RHAG: variants seen among roughly 807,000 people sequenced by gnomAD.
RHAG encodes Rh associated glycoprotein.
RHAG carries 25 observed loss-of-function variants against 42.4 expected under a neutral mutation model. The observed-to-expected ratio is 0.59, with a 90% confidence interval of 0.43 to 0.82. The LOEUF (loss-of-function observed/expected upper bound fraction) is 0.82, where lower values mean the gene tolerates loss of function less well. Among genes scored for constraint, RHAG ranks in the 40% least tolerant of loss-of-function variants. The probability of loss-of-function intolerance (pLI) is 0.00; values close to 1 mark genes in which losing one functional copy is unlikely to be tolerated. For missense variants in RHAG, 483 were observed against 504.6 expected (o/e 0.96, Z 0.41); for synonymous variants, 182 against 177.7 (o/e 1.02, Z -0.19).
At chr6:49,616,804 T>C (rs1345587380) in intron 3 of RHAG, among the ~76,000 whole-genome samples, 3 of 152,198 alleles carry the variant, frequency 2.0e-5, no homozygotes, top group Non-Finnish European at 2.9e-5. Context: ...CTTCCCAGCA[T>C]ATATGATCTA....
At chr6:49,629,497 C>T (rs573629722) in intron 1 of RHAG, among the ~76,000 whole-genome samples, 67 of 152,336 alleles carry the variant, frequency 4.4e-4, no homozygotes, top group African/African-American at 8.9e-4. Flanking sequence ...CAGTGGATCC[C>T]GCACCAGGCA....
chr6:49,617,449 T>G (rs997698633), intron 3 of RHAG, among the ~76,000 whole-genome samples: 2 of 152,282 alleles, frequency 1.3e-5, no homozygotes, highest in African/African-American at 2.4e-5. Flanking sequence ...GAGTGTAAGC[T>G]CTATAAAAAC....
intron 1 of RHAG, among the ~76,000 whole-genome samples, chr6:49,628,819 G>A (rs62412403): frequency 0.022 from 3,387 of 152,272 alleles, 62 homozygotes; most frequent in South Asian, 0.089. Flanking sequence ...AGACCTTCAC[G>A]GTGAGTATTA....
At chr6:49,625,765 T>C (rs748165776) in intron 1 of RHAG, among the ~76,000 whole-genome samples, 1 of 152,214 alleles carries the variant, frequency 6.6e-6, no homozygotes, top group Non-Finnish European at 1.5e-5. Flanking sequence ...CCAGTTCTAA[T>C]AAAGACATAC....
In RHAG at chr6:49,614,733, G is replaced by C. The variant is rs780792283; in HGVS notation, c.761C>G (p.Ala254Gly). Reference protein sequence around the residue: ...YFSLAACVLTAFAFSSLVEHR... With the variant: ...YFSLAACVLTGFAFSSLVEHR... The stretch of plus-strand genomic sequence containing the variant: ...CTCCACTAGGCTGGAGAAGGCAAAG[G>C]CTGTGAGCACACAGGCAGCGAGAGA... Residue 254 changes from alanine (A) to glycine (G), a missense_variant, in exon 5 of 10, where the codon GCC becomes GGC. By Grantham distance (60) the Ala-to-Gly change is moderately conservative. Transcript: ENST00000371175. The C allele has an allele frequency of 3.1e-6, 5 of 1,613,936 alleles. No homozygotes were observed. Among genetic ancestry groups the C allele is most frequent in the Admixed American group, 1.7e-5 (1 of 60,002 alleles).
In RHAG at chr6:49,611,028, T is replaced by G. The variant is rs1187324502; in HGVS notation, c.1063A>C (p.Asn355His). The G allele has an allele frequency of 3.1e-6, 5 of 1,613,852 alleles. No homozygotes were observed. Among genetic ancestry groups the G allele is most frequent in the Non-Finnish European group, 4.2e-6 (5 of 1,179,818 alleles). Residue 355 changes from asparagine to histidine, a missense_variant, in exon 7 of 10, where the codon AAC (asparagine) becomes CAC (histidine). Physicochemically the swap from Asn to His is moderately conservative, Grantham distance 68. Coordinates refer to ENST00000371175, the MANE Select transcript of RHAG (RefSeq NM_000324.3). The stretch of plus-strand genomic sequence containing the variant: ...AAAACCCATTCTTTTACTCACGTGT[T>G]GGAGGCGCCCATTGCTACTGCCACA... ...GIVAVAMGAS[N>H]TSMAMQAAAL...
intron 3 of RHAG, among the ~76,000 whole-genome samples, chr6:49,616,222 G>T (rs1387484842): frequency 6.6e-6 from 1 of 151,970 alleles, no homozygotes; most frequent in Non-Finnish European, 1.5e-5. Flanking sequence ...GGTGGTGCAC[G>T]CCTTGTAGTC....
At chr6:49,610,000 A>T (rs1469940777) in intron 7 of RHAG, among the ~76,000 whole-genome samples, 2 of 152,136 alleles carry the variant, frequency 1.3e-5, no homozygotes, top group South Asian at 4.1e-4. Flanking sequence ...GTTCTCACTT[A>T]TAAGTGGGAG....
At chr6:49,625,968 CA>C (rs1317503370) in intron 1 of RHAG, among the ~76,000 whole-genome samples, 5 of 152,214 alleles carry the variant, frequency 3.3e-5, no homozygotes, top group African/African-American at 1.2e-4. Flanking sequence ...TATTCACTAT[CA>C]TGGGAACAGC....
rs1762628248 is a variant in RHAG at position 49,614,870 on chromosome 6, G to A, written c.641-17C>T. 12 of 1,613,062 alleles carry A rather than the reference G, an allele frequency of 7.4e-6. No individual in the cohort carries two copies. Among genetic ancestry groups the A allele is most frequent in the Non-Finnish European group, 8.5e-6 (10 of 1,179,016 alleles). On this transcript the variant is annotated splice_polypyrimidine_tract_variant and intron_variant, in intron 4 of 9. Transcript: ENST00000371175. ...AGAGAGTCCCTGTAGTGAACCAAAA[G>A]AGGGGATATTAGTTCTGAATATGGA...
intron 1 of RHAG, among the ~76,000 whole-genome samples, chr6:49,628,320 T>G (rs1342773369): frequency 6.6e-6 from 1 of 152,110 alleles, no homozygotes; most frequent in Non-Finnish European, 1.5e-5. Flanking sequence ...TTTTATTTTC[T>G]GTTTTGTAGC....
At chr6:49,613,699 A>G (rs1189190508) in intron 5 of RHAG, among the ~76,000 whole-genome samples, 1 of 152,156 alleles carries the variant, frequency 6.6e-6, no homozygotes, top group African/African-American at 2.4e-5. Flanking sequence ...CAAGAGACCA[A>G]TTTGGGGGAA....
At chr6:49,613,034 T>C (rs958380045) in intron 5 of RHAG, among the ~76,000 whole-genome samples, 1 of 152,064 alleles carries the variant, frequency 6.6e-6, no homozygotes, top group Non-Finnish European at 1.5e-5. Flanking sequence ...TGTCACTGGA[T>C]TGAGGACATT....
intron 1 of RHAG, among the ~76,000 whole-genome samples, chr6:49,627,322 T>C (rs138419766): frequency 4.7e-4 from 72 of 152,308 alleles, no homozygotes; most frequent in African/African-American, 1.7e-3. Flanking sequence ...TTCAAAGTTC[T>C]GCAGATCTTC....
Position 49,615,922 on chromosome 6 carries a change from C to T in RHAG, c.493-151G>A. 3 of 769,344 alleles carry T rather than the reference C, an allele frequency of 3.9e-6. No individual in the cohort carries two copies. The South Asian group carries it at 4.7e-5, about 12-fold the overall frequency. 47.7% of individuals were successfully genotyped at this position (769,344 alleles called of 1,614,324 possible). A position where few individuals can be genotyped will look rare whatever the true frequency, so the allele number is the denominator to read the frequency against. On this transcript the variant is annotated intron_variant, in intron 3 of 9. Transcript: ENST00000371175. ...TTGTGTCAGAGAAAGGGGGGTAAAA[C>T]AGGGAGTAAAACAGAAATAGTACAG...
intron 1 of RHAG, among the ~76,000 whole-genome samples, chr6:49,622,602 T>C (rs922449380): frequency 6.6e-6 from 1 of 152,120 alleles, no homozygotes; most frequent in Non-Finnish European, 1.5e-5. Context: ...TGCTCCTCCT[T>C]GCCTTCCACC....
intron 1 of RHAG, 86 bp from the exon 2 acceptor site, chr6:49,619,448 T>C (rs1168532497): frequency 8.2e-7 from 1 of 1,220,338 alleles, no homozygotes; most frequent in Non-Finnish European, 1.2e-6. Flanking sequence ...TATTAAGTGC[T>C]ACCACCTTTG....
At chr6:49,627,146 T>C (rs1337209942) in intron 1 of RHAG, among the ~76,000 whole-genome samples, 1 of 152,350 alleles carries the variant, frequency 6.6e-6, no homozygotes, top group African/African-American at 2.4e-5. Context: ...TGGTTACTTA[T>C]GTAAATTTCT....
chr6:49,615,868 C>A, intron 3 of RHAG, 97 bp from the exon 4 acceptor site: 2 of 1,272,696 alleles, frequency 1.6e-6, no homozygotes, highest in Non-Finnish European at 2.3e-6. Flanking sequence ...GGTTAAACAA[C>A]TTAAAAAAAT....
Sources: allele counts gnomAD v4.1 joint callset (sites outside exome capture counted in the v4.1 genomes callset), GRCh38; gene constraint gnomAD v4.1.1; transcripts MANE v1.5; gene names NCBI Gene and HGNC (gene_info 2026-07-23, HGNC 2026-07-21).